Variants in PDZD2 observed in about 807,000 individuals in gnomAD.
PDZD2 encodes the protein PDZ domain containing 2, also known as PDZ domain-containing protein 2.
In PDZD2, 90 loss-of-function variants were observed where a neutral mutation model predicts 220.7. The observed-to-expected ratio is 0.41, with a 90% CI of 0.34 to 0.49. PDZD2 has a LOEUF of 0.49. Among genes scored for constraint, PDZD2 ranks in the 20% least tolerant of loss-of-function variants. The pLI, the probability that PDZD2 is intolerant of heterozygous loss-of-function variation, is 0.28. For missense variants in PDZD2, 3,174 were observed against 3,608.5 expected, an observed-to-expected ratio of 0.88 and a Z score of 3.08; for synonymous variants, 1,375 against 1,450.5, an observed-to-expected ratio of 0.95 and a Z score of 1.18.
chr5:32,022,179 TTTTTTGTTTTTTTG>T (rs1754252012), intron 6 of PDZD2, among the ~76,000 whole-genome samples: 12 of 93,638 alleles, frequency 1.3e-4, no homozygotes, highest in South Asian at 6.7e-4. Flanking sequence ...TTCGTTTTGT[TTTTTTGTTTTTTTG>T]TTTTTTGTTT....
intron 1 of PDZD2, among the ~76,000 whole-genome samples, chr5:31,711,199 C>T (rs929650472): frequency 6.6e-6 from 1 of 152,100 alleles, no homozygotes; most frequent in African/African-American, 2.4e-5. Flanking sequence ...GCCCTTTTTC[C>T]TAAGACAAAA....
At chr5:31,891,420 A>G (rs1453579318) in intron 2 of PDZD2, among the ~76,000 whole-genome samples, 1 of 152,068 alleles carries the variant, frequency 6.6e-6, no homozygotes, top group Non-Finnish European at 1.5e-5. Context: ...GGTTCAAGTG[A>G]TTCTCCTCCC....
chr5:31,860,235 C>T (rs997195489), intron 2 of PDZD2, among the ~76,000 whole-genome samples: 6 of 152,130 alleles, frequency 3.9e-5, no homozygotes, highest in Admixed American at 1.3e-4. Context: ...CAGCAGAGCA[C>T]ACAGATTGCA....
At chr5:32,039,869 C>T (rs542940805) in intron 7 of PDZD2, among the ~76,000 whole-genome samples, 8 of 150,674 alleles carry the variant, frequency 5.3e-5, no homozygotes, top group African/African-American at 1.7e-4. Context: ...CCCGGCTGCC[C>T]CATCTGGGAG....
At chr5:31,709,128 C>T (rs867419040) in intron 1 of PDZD2, among the ~76,000 whole-genome samples, 8 of 152,090 alleles carry the variant, frequency 5.3e-5, no homozygotes, top group Non-Finnish European at 1.0e-4. Flanking sequence ...CCTCATGATC[C>T]GCCCACCTCA....
intron 8 of PDZD2, among the ~76,000 whole-genome samples, chr5:32,050,289 C>T (rs578083672): frequency 2.6e-5 from 4 of 152,224 alleles, no homozygotes; most frequent in East Asian, 1.9e-4. Flanking sequence ...ACAGATCGAG[C>T]GTTGAGGTAA....
rs765880589 is a variant in PDZD2 at position 32,053,832 on chromosome 5, A to G, written c.1849A>G (p.Lys617Glu). The G allele has an allele frequency of 6.2e-7, 1 of 1,613,588 alleles. No homozygotes were observed. The highest frequency in any genetic ancestry group is 1.1e-5 in the South Asian group (1 of 91,054). The change falls in exon 10 of 25, where the codon AAG becomes GAG. Residue 617 changes from lysine to glutamate, a missense_variant. This residue lies in a region of PDZD2 where 50 missense variants were observed against 109.5 expected (regional missense o/e 0.46). Transcript: ENST00000438447. ...TCGTGGACAGATGGGGATTTTTGTC[A>G]AGACCATCTTCCCAAATGGATCAGC... is the stretch of plus-strand genomic sequence containing the variant. ...CIRGQMGIFV[K>E]TIFPNGSAAE...
In PDZD2 at chr5:32,088,804, T is replaced by C. The variant is rs1248295742; in HGVS notation, c.5356T>C (p.Leu1786=). 5 of 1,614,024 alleles carry C rather than the reference T, an allele frequency of 3.1e-6. No homozygotes were observed. Among genetic ancestry groups the C allele is most frequent in the South Asian group, 1.1e-5 (1 of 91,064 alleles). Residue 1786 remains leucine, a synonymous_variant, in exon 20 of 25, where the codon TTG becomes CTG. Transcript: ENST00000438447. This position sits in a 1 kb window ranked among gnomAD's most constrained non-coding sequence, Gnocchi z 4.6. ...CTCTGAAAGTCAAGACCTGGATGACTTGCTACAGAAACCAAAAATGATCGC... is the reference window on the plus strand; with the variant it reads ...CTCTGAAAGTCAAGACCTGGATGACCTGCTACAGAAACCAAAAATGATCGC... The part of the protein sequence containing the change: ...HISESQDLDD[L]LQKPKMIARR...
chr5:31,671,821 T>C (rs1436466693), intron 1 of PDZD2, among the ~76,000 whole-genome samples: 1 of 152,156 alleles, frequency 6.6e-6, no homozygotes, highest in Non-Finnish European at 1.5e-5. Context: ...TCTGAGTCTG[T>C]AGTTATGCGG....
chr5:31,706,892 A>G (rs1747851814), intron 1 of PDZD2, among the ~76,000 whole-genome samples: 1 of 151,310 alleles, frequency 6.6e-6, no homozygotes, highest in Admixed American at 6.6e-5. Flanking sequence ...TAGACCTATA[A>G]CCTCTGTTTT....
intron 1 of PDZD2, among the ~76,000 whole-genome samples, chr5:31,755,037 T>C (rs1289817066): frequency 6.6e-6 from 1 of 152,208 alleles, no homozygotes; most frequent in Non-Finnish European, 1.5e-5. Context: ...TGATGTTGTG[T>C]GATGTGGGGC....
chr5:31,844,940 G>GAACAAGTTTCTTTAAATAAGA (rs1757506999), intron 2 of PDZD2, among the ~76,000 whole-genome samples: 1 of 152,008 alleles, frequency 6.6e-6, no homozygotes, highest in Non-Finnish European at 1.5e-5. Flanking sequence ...CTGTGAGTGG[G>GAACAAGTTTCTTTAAATAAGA]AACAAGTTTC....
intron 2 of PDZD2, among the ~76,000 whole-genome samples, chr5:31,883,149 A>G (rs1740091277): frequency 6.6e-6 from 1 of 151,348 alleles, no homozygotes; most frequent in Non-Finnish European, 1.5e-5. Context: ...ATTAATAACT[A>G]GACAGTCATG....
At chr5:31,710,795 G>A (rs1460149056) in intron 1 of PDZD2, among the ~76,000 whole-genome samples, 5 of 148,852 alleles carry the variant, frequency 3.4e-5, no homozygotes, top group African/African-American at 7.5e-5. Context: ...CAGCCTGGGC[G>A]ACAAGAGCAA....
chr5:31,968,183 C>T (rs372537214), intron 2 of PDZD2, among the ~76,000 whole-genome samples: 4 of 152,086 alleles, frequency 2.6e-5, no homozygotes, highest in African/African-American at 9.7e-5. Flanking sequence ...CATGGTGAAA[C>T]CCCATCTCTA....
rs1294475606 is a variant in PDZD2, at chr5:32,029,120, C to G, written c.1408-8111C>G. On this transcript the variant is annotated intron_variant, in intron 6 of 24. Coordinates refer to ENST00000438447, the MANE Select transcript of PDZD2 (RefSeq NM_178140.4). ...TTTCCAGCTCCAAGAAGACTGAATT[C>G]ATTCAACAGCAAGTCTCTCATGTGC... Among the ~76,000 whole-genome samples, 4 of 152,176 alleles carry G rather than the reference C, an allele frequency of 2.6e-5. No homozygotes were observed. The East Asian group carries it at 7.7e-4, about 29-fold the overall frequency.
intron 2 of PDZD2, among the ~76,000 whole-genome samples, chr5:31,911,097 C>T (rs1048045928): frequency 5.9e-5 from 9 of 152,044 alleles, no homozygotes; most frequent in Non-Finnish European, 8.8e-5. Flanking sequence ...TAACAACTTC[C>T]TCTTTTATAA....
chr5:32,090,105 G>A lies in PDZD2; in HGVS notation c.6657G>A (p.Ala2219=), dbSNP rs757900452. 11 of 1,613,676 alleles carry A rather than the reference G, an allele frequency of 6.8e-6. No individual in the cohort carries two copies. The highest frequency in any genetic ancestry group is 3.3e-5 in the South Asian group (3 of 91,058). Residue 2219 remains alanine, a synonymous_variant, in exon 20 of 25, where the codon GCG becomes GCA. Transcript: ENST00000438447. The surrounding 1 kb of genome is among the most constrained non-coding windows in gnomAD (Gnocchi z 4.3). ...ATCTCTACTTCACCCCAAGGCCAGC[G>A]ACCAGGACCTACTCCATGCCAGCCC... ...EDHLYFTPRP[A]TRTYSMPAQF... is the part of the protein sequence containing the mutation.
intron 2 of PDZD2, among the ~76,000 whole-genome samples, chr5:31,969,867 A>T (rs1158296699): frequency 3.3e-5 from 5 of 151,802 alleles, no homozygotes; most frequent in Non-Finnish European, 7.4e-5. Context: ...GTGCTGGTGC[A>T]TGAGGGTGCA....
Sources: gnomAD v4.1 joint callset for allele counts (sites outside exome capture counted in the v4.1 genomes callset) on GRCh38, gnomAD v4.1.1 for gene constraint, gnomAD v4.1.1 regional missense constraint, Gnocchi (gnomAD v3.1) non-coding constraint, MANE v1.5 for transcripts, NCBI Gene and HGNC (gene_info 2026-07-23, HGNC 2026-07-21) for gene names.